The following COL4A5 variants were observed in gnomAD, a reference collection of about 807,000 sequenced individuals.
The protein encoded by COL4A5 is collagen alpha-5(IV) chain.
A neutral mutation model predicts 130.2 loss-of-function variants in COL4A5; 26 were observed. The ratio of observed to expected loss-of-function variants is 0.20; its 90% CI spans 0.15 to 0.28. The LOEUF (loss-of-function observed/expected upper bound fraction) is 0.28, where lower values mean the gene tolerates loss of function less well. Among genes scored for constraint, COL4A5 ranks in the 10% least tolerant of loss-of-function variants. The pLI, the probability that COL4A5 is intolerant of heterozygous loss-of-function variation, is 1.00. For missense variants in COL4A5, 1,131 were observed against 1,344.3 expected (o/e 0.84, Z 2.48); for synonymous variants, 496 against 439.6 (o/e 1.13, Z -1.60).
chrX:108,611,492 C>T (rs1353692449), intron 29 of COL4A5, among the ~76,000 whole-genome samples: 1 of 111,171 alleles, frequency 9.0e-6, no homozygotes, highest in Admixed American at 9.6e-5. Context: ...ATAATTTATG[C>T]TAACAACAAA....
chrX:108,670,670 A>T (rs893853618), intron 42 of COL4A5: 2 of 328,803 alleles, frequency 6.1e-6, no homozygotes, highest in Non-Finnish European at 1.2e-5. Flanking sequence ...AACTTGCCAT[A>T]TCTTTTGCAG....
chrX:108,585,844 A>G (rs1289973692), intron 18 of COL4A5, among the ~76,000 whole-genome samples: 1 of 111,294 alleles, frequency 9.0e-6, no homozygotes, highest in African/African-American at 3.3e-5. Context: ...TTTTTGGTAT[A>G]TAGTAGGTAT....
chrX:108,636,465 A>G (rs1317730609), intron 36 of COL4A5, among the ~76,000 whole-genome samples: 2 of 110,954 alleles, frequency 1.8e-5, no homozygotes, highest in African/African-American at 3.3e-5. Context: ...TTAAAATTTA[A>G]TGTGTTTTCT....
intron 36 of COL4A5, among the ~76,000 whole-genome samples, chrX:108,637,621 C>G (rs768609684): frequency 1.8e-5 from 2 of 111,621 alleles, no homozygotes; most frequent in South Asian, 7.4e-4. Flanking sequence ...TACTACCAAT[C>G]TTACAGAACT....
chrX:108,643,083 A>C (rs1439106172), intron 36 of COL4A5, among the ~76,000 whole-genome samples: 9 of 111,633 alleles, frequency 8.1e-5, no homozygotes, highest in Non-Finnish European at 1.5e-4. Context: ...AACTTCAGGA[A>C]ACAATGAACA....
intron 36 of COL4A5, among the ~76,000 whole-genome samples, chrX:108,636,209 A>T (rs191227673): frequency 3.6e-5 from 4 of 112,174 alleles, no homozygotes; most frequent in Admixed American, 2.8e-4. Context: ...CTCATACTGT[A>T]TACAAATATT....
Position 108,444,410 on chromosome X carries a change from G to A in COL4A5, c.81+4204G>A, listed in dbSNP as rs773184383. The stretch of plus-strand genomic sequence containing the variant: ...AATTTTTTGCATTTTTAGTAGAGAC[G>A]GGGTTTCACCATGTTAGCCAGGATG... On this transcript the variant is annotated intron_variant, in intron 1 of 52. Transcript: ENST00000328300. 3.6e-5 allele frequency among the ~76,000 whole-genome samples: 4 copies of A among 110,609 alleles called. No homozygotes were observed. The East Asian group carries it at 8.6e-4, about 24-fold the overall frequency.
chrX:108,514,454 G>A (rs1313246093), intron 1 of COL4A5, among the ~76,000 whole-genome samples: 1 of 111,751 alleles, frequency 8.9e-6, no homozygotes, highest in African/African-American at 3.3e-5. Flanking sequence ...GGGCTTTCAG[G>A]ACCACTGCAC....
intron 49 of COL4A5, among the ~76,000 whole-genome samples, chrX:108,687,942 A>G (rs1412921608): frequency 8.9e-6 from 1 of 112,295 alleles, no homozygotes; most frequent in Non-Finnish European, 1.9e-5. Flanking sequence ...GATCATTTCA[A>G]AAAGGCCACA....
At chrX:108,451,421 C>T (rs1281744075) in intron 1 of COL4A5, among the ~76,000 whole-genome samples, 2 of 112,130 alleles carry the variant, frequency 1.8e-5, no homozygotes, top group African/African-American at 3.2e-5. Context: ...AATCGCCACA[C>T]TGTCTTCTAC....
chrX:108,499,879 A>G (rs1603257202), intron 1 of COL4A5, among the ~76,000 whole-genome samples: 2 of 111,849 alleles, frequency 1.8e-5, no homozygotes, highest in African/African-American at 3.2e-5. Flanking sequence ...TTGCATACAT[A>G]GTATACATAC....
chrX:108,672,757 A>G (rs1429531967), intron 42 of COL4A5, among the ~76,000 whole-genome samples: 1 of 111,961 alleles, frequency 8.9e-6, no homozygotes, highest in Non-Finnish European at 1.9e-5. Flanking sequence ...CTGAAATGTC[A>G]TATTTCAATG....
intron 1 of COL4A5, among the ~76,000 whole-genome samples, chrX:108,513,031 A>G (rs2065192756): frequency 8.9e-6 from 1 of 111,778 alleles, no homozygotes; most frequent in Admixed American, 9.5e-5. Flanking sequence ...TATCATAATG[A>G]TACTTAGGCT....
In COL4A5 at chrX:108,571,828, A is replaced by G; in HGVS notation, c.456A>G (p.Pro152=). The G allele has an allele frequency of 8.4e-7, 1 of 1,186,812 alleles. No individual in the cohort carries two copies. Among genetic ancestry groups the G allele is most frequent in the Non-Finnish European group, 1.1e-6 (1 of 872,915 alleles). The change falls in exon 8 of 53, where the codon CCA becomes CCG. Residue 152 remains proline (P), a synonymous_variant. Transcript: ENST00000328300. ...AATAATAGGGACCCCCTGGGATCCC[A>G]GGTATGAAGGTAAGCATCTCATTCT... ...LQGPPGPPGI[P]GMKGEPGSII... is the part of the protein sequence containing the mutation.
rs1004669582 is a variant in COL4A5, at chrX:108,488,997, T to C, written c.81+48791T>C. On this transcript the variant is annotated intron_variant, in intron 1 of 52. Transcript: ENST00000328300. The stretch of plus-strand genomic sequence containing the variant: ...TAAATGATTTAAATTACTCAAGAAA[T>C]TTAACTCAGTGGTTTTGTTACTTCT... Among the ~76,000 whole-genome samples, 3 of 112,142 alleles carry C rather than the reference T, an allele frequency of 2.7e-5. No homozygotes were observed. The East Asian group carries it at 8.3e-4, about 31-fold the overall frequency.
chrX:108,605,580 C>G (rs1027525331), intron 28 of COL4A5, among the ~76,000 whole-genome samples: 1 of 111,956 alleles, frequency 8.9e-6, no homozygotes, highest in African/African-American at 3.2e-5. Context: ...AAAAAGTGAG[C>G]ACATGCTATA....
At chrX:108,584,894 G>A (rs1329946489) in intron 18 of COL4A5, among the ~76,000 whole-genome samples, 1 of 108,547 alleles carries the variant, frequency 9.2e-6, no homozygotes, top group Admixed American at 1.0e-4. Flanking sequence ...TGGGGGTGGG[G>A]GATTGGTCCT....
intron 1 of COL4A5, among the ~76,000 whole-genome samples, chrX:108,470,897 A>G (rs1321798980): frequency 8.9e-6 from 1 of 111,925 alleles, no homozygotes; most frequent in African/African-American, 3.3e-5. Flanking sequence ...TTTATTGAAT[A>G]GAGAGTCATT....
intron 41 of COL4A5, 113 bp from the exon 42 acceptor site, chrX:108,670,115 T>C: frequency 1.2e-6 from 1 of 827,998 alleles, no homozygotes; most frequent in South Asian, 2.3e-5. Context: ...AATTTTAACT[T>C]GAAAGTATTT....
Sources: allele counts gnomAD v4.1 joint callset (sites outside exome capture counted in the v4.1 genomes callset), GRCh38; gene constraint gnomAD v4.1.1; transcripts MANE v1.5; gene names NCBI Gene and HGNC (gene_info 2026-07-23, HGNC 2026-07-21).